Variants in HPSE2 observed in about 807,000 individuals in gnomAD.
HPSE2 encodes heparanase 2 (inactive).
A neutral mutation model predicts 60.5 loss-of-function variants in HPSE2; 38 were observed. The ratio of observed to expected loss-of-function variants is 0.63; its 90% CI spans 0.48 to 0.82. The LOEUF is 0.82. HPSE2 is among the 40% of genes least tolerant of loss of function. The pLI, the probability that HPSE2 is intolerant of heterozygous loss-of-function variation, is 0.00. For missense variants in HPSE2, 713 were observed against 740.4 expected (o/e 0.96, Z 0.43); for synonymous variants, 295 against 293.2 (o/e 1.01, Z -0.06).
At chr10:98,556,835 A>C (rs369696380) in intron 9 of HPSE2, among the ~76,000 whole-genome samples, 18 of 151,728 alleles carry the variant, frequency 1.2e-4, no homozygotes, top group African/African-American at 3.4e-4. Flanking sequence ...CAATGCCAAA[A>C]GCCAAAAATA....
chr10:98,703,955 T>C (rs1353574179), intron 5 of HPSE2, among the ~76,000 whole-genome samples: 1 of 152,036 alleles, frequency 6.6e-6, no homozygotes, highest in Non-Finnish European at 1.5e-5. Flanking sequence ...AGTATTCAAA[T>C]AGGAAGAGAG....
chr10:98,770,569 T>C (rs2134417972), intron 3 of HPSE2, among the ~76,000 whole-genome samples: 1 of 152,266 alleles, frequency 6.6e-6, no homozygotes, highest in Admixed American at 6.5e-5. Context: ...CTGCAGATAA[T>C]TTTGGCTTGA....
At chr10:98,803,147 T>G (rs7475889) in intron 3 of HPSE2, among the ~76,000 whole-genome samples, 55 of 151,248 alleles carry the variant, frequency 3.6e-4, no homozygotes, top group African/African-American at 1.3e-3. Context: ...TCATGTCCTT[T>G]GCCCACTTTT....
chr10:99,276,772 C>T, the HPSE2 span, among the ~76,000 whole-genome samples: 3 of 152,060 alleles, frequency 2.0e-5, no homozygotes, highest in Admixed American at 2.0e-4. Context: ...CACAGGGGTG[C>T]CATTTAGTTC....
intron 9 of HPSE2, among the ~76,000 whole-genome samples, chr10:98,542,033 C>T (rs1254555995): frequency 1.9e-4 from 1 of 5,324 alleles, no homozygotes; most frequent in African/African-American, 2.3e-4. Context: ...GGGTCCCTGA[C>T]CCCTGACCCC....
At chr10:99,193,314 T>G (rs1024369832) in intron 2 of HPSE2, among the ~76,000 whole-genome samples, 1 of 151,804 alleles carries the variant, frequency 6.6e-6, no homozygotes, top group African/African-American at 2.4e-5. Context: ...TATAACATAC[T>G]ACCAAAGAAA....
intron 9 of HPSE2, among the ~76,000 whole-genome samples, chr10:98,563,036 T>C (rs949464632): frequency 6.6e-6 from 1 of 152,166 alleles, no homozygotes; most frequent in African/African-American, 2.4e-5. Context: ...CTCAAAAGGT[T>C]ACACACAGAG....
intron 2 of HPSE2, among the ~76,000 whole-genome samples, chr10:99,170,865 G>A (rs1454868781): frequency 6.6e-6 from 1 of 152,080 alleles, no homozygotes; most frequent in African/African-American, 2.4e-5. Context: ...TTTTTTAATT[G>A]TGTCTATACA....
chr10:99,194,206 T>C (rs894970252), intron 2 of HPSE2, among the ~76,000 whole-genome samples: 1 of 151,904 alleles, frequency 6.6e-6, no homozygotes, highest in Non-Finnish European at 1.5e-5. Context: ...GAAGAAAATT[T>C]AAAAATTTCT....
chr10:98,957,401 C>T (rs1032082245), intron 3 of HPSE2, among the ~76,000 whole-genome samples: 5 of 152,132 alleles, frequency 3.3e-5, no homozygotes, highest in Admixed American at 2.0e-4. Flanking sequence ...TTGCATAGAC[C>T]TGCTCACTGT....
At chr10:98,770,862 G>A (rs773524779) in intron 3 of HPSE2, among the ~76,000 whole-genome samples, 51 of 152,134 alleles carry the variant, frequency 3.4e-4, no homozygotes, top group Admixed American at 6.6e-4. Context: ...CAACCAAAAG[G>A]GAAAAGGGGG....
intron 3 of HPSE2, among the ~76,000 whole-genome samples, chr10:98,800,374 A>AT (rs1340330529): frequency 2.7e-5 from 4 of 148,304 alleles, no homozygotes; most frequent in Admixed American, 2.7e-4. Context: ...TCTCAAAAAA[A>AT]ATATATAAAA....
chr10:99,063,092 A>G (rs751155905), intron 3 of HPSE2, among the ~76,000 whole-genome samples: 8 of 152,226 alleles, frequency 5.3e-5, no homozygotes, highest in Non-Finnish European at 1.0e-4. Context: ...CAGTTAGTTC[A>G]TCTACATGAT....
At chr10:99,135,114 C>A (rs1845594392) in intron 3 of HPSE2, among the ~76,000 whole-genome samples, 1 of 151,998 alleles carries the variant, frequency 6.6e-6, no homozygotes, top group African/African-American at 2.4e-5. Flanking sequence ...TCAAAAGAGA[C>A]AAGGAAGAGC....
intron 9 of HPSE2, among the ~76,000 whole-genome samples, chr10:98,505,059 T>G (rs536556919): frequency 2.7e-4 from 41 of 152,344 alleles, no homozygotes; most frequent in African/African-American, 9.1e-4. Context: ...GTATAATACT[T>G]CTTTGTGTGA....
chr10:98,823,283 G>T lies in HPSE2; in HGVS notation c.611-79227C>A, dbSNP rs77246980. 3.7e-3 allele frequency among the ~76,000 whole-genome samples: 559 copies of T among 152,266 alleles called. 3 individuals carry two copies. Among genetic ancestry groups the T allele is most frequent in the African/African-American group, 0.013 (541 of 41,552 alleles). On this transcript the variant is annotated intron_variant, in intron 3 of 11. Transcript: ENST00000370552. Reference sequence around the variant, plus strand: ...GTTTAAAGCCACTAACTTGTGATTTGTTACAGCAGCAGTCAAAATGAATAT... The same window carrying T: ...GTTTAAAGCCACTAACTTGTGATTTTTTACAGCAGCAGTCAAAATGAATAT...
chr10:98,775,139 A>G (rs917614919), intron 3 of HPSE2, among the ~76,000 whole-genome samples: 1 of 152,342 alleles, frequency 6.6e-6, no homozygotes, highest in East Asian at 1.9e-4. Context: ...AGCTGAGAGA[A>G]CATTCCTTAG....
rs77053810 is a variant in HPSE2, at chr10:99,070,770, G to A, written c.610+73468C>T. ...GGAATAATACAGTATTCGTCTTTCTGTGACTGGTTTATTTGACTTAGCATA... is the reference window on the plus strand; with the variant it reads ...GGAATAATACAGTATTCGTCTTTCTATGACTGGTTTATTTGACTTAGCATA... On this transcript the variant is annotated intron_variant, in intron 3 of 11. Coordinates refer to ENST00000370552, the MANE Select transcript of HPSE2 (RefSeq NM_021828.5). 1.6e-3 allele frequency among the ~76,000 whole-genome samples: 250 copies of A among 152,278 alleles called. 1 individual carries two copies. The highest frequency in any genetic ancestry group is 5.6e-3 in the African/African-American group (233 of 41,560).
intron 3 of HPSE2, among the ~76,000 whole-genome samples, chr10:99,016,760 C>T (rs946914923): frequency 2.6e-5 from 4 of 151,904 alleles, no homozygotes; most frequent in African/African-American, 9.7e-5. Context: ...TAGTTAGCTG[C>T]ATTCTTAGGT....
Sources: allele counts gnomAD v4.1 joint callset (sites outside exome capture counted in the v4.1 genomes callset), GRCh38; gene constraint gnomAD v4.1.1; transcripts MANE v1.5; gene names NCBI Gene and HGNC (gene_info 2026-07-23, HGNC 2026-07-21).